PCDHA10: variants seen among roughly 807,000 people sequenced by gnomAD.
PCDHA10 encodes the protein protocadherin alpha-10.
Under a neutral mutation model 61.2 loss-of-function variants are expected in PCDHA10, and 45 were observed. That is an observed-to-expected ratio of 0.74 (90% confidence interval 0.58 to 0.94). PCDHA10 has a LOEUF of 0.94. Among genes scored for constraint, PCDHA10 ranks in the 40% least tolerant of loss-of-function variants. PCDHA10 has a pLI of 0.00. For synonymous variants in PCDHA10, 602 were observed against 548.8 expected (o/e 1.10, Z -1.35); for missense variants, 1,278 against 1,236.2 (o/e 1.03, Z -0.51).
rs1554181471 is a variant in PCDHA10, at chr5:140,884,352, A to G, written c.2388+25916A>G. ...GTGGGTCCAGAAGCGGCGCTGGTGG[A>G]TGTCAATGTTTACTTGATCATTGCC... is the stretch of plus-strand genomic sequence containing the variant. On this transcript the variant is annotated intron_variant, in intron 1 of 3. Transcript: ENST00000307360. The G allele has an allele frequency of 2.5e-6, 4 of 1,613,710 alleles. No individual in the cohort carries two copies. The Admixed American group carries it at 5.0e-5, about 20-fold the overall frequency.
chr5:140,882,877 G>A, intron 1 of PCDHA10: 1 of 1,614,208 alleles, frequency 6.2e-7, no homozygotes, highest in Non-Finnish European at 8.5e-7. Context: ...TGGACAGAGA[G>A]GAAATTCAGG....
chr5:140,969,203 G>A (rs781962982), intron 1 of PCDHA10: 2 of 1,614,178 alleles, frequency 1.2e-6, no homozygotes, highest in Non-Finnish European at 8.5e-7. Flanking sequence ...CAATACAGGG[G>A]CCCAGACAGG....
At chr5:140,910,690 G>T (rs2153515620) in intron 1 of PCDHA10, among the ~76,000 whole-genome samples, 1 of 152,224 alleles carries the variant, frequency 6.6e-6, no homozygotes, top group African/African-American at 2.4e-5. Context: ...GGCATTTCCA[G>T]CTTGCTCACA....
chr5:140,906,239 T>G (rs563566442), intron 1 of PCDHA10, among the ~76,000 whole-genome samples: 5 of 152,314 alleles, frequency 3.3e-5, no homozygotes, highest in Admixed American at 1.3e-4. Context: ...CCTTGTCAAC[T>G]TGAACCCATA....
intron 1 of PCDHA10, chr5:140,877,909 C>A: frequency 6.3e-6 from 9 of 1,432,578 alleles, no homozygotes; most frequent in Non-Finnish European, 7.3e-6. Flanking sequence ...TAACTACATT[C>A]TCTCATTTTT....
chr5:140,956,186 T>C (rs1305769419), intron 1 of PCDHA10, among the ~76,000 whole-genome samples: 1 of 152,204 alleles, frequency 6.6e-6, no homozygotes, highest in Non-Finnish European at 1.5e-5. Context: ...AATACTATGC[T>C]GAATAGGAGT....
intron 1 of PCDHA10, among the ~76,000 whole-genome samples, chr5:140,948,785 G>T (rs2094304738): frequency 6.6e-6 from 1 of 151,242 alleles, no homozygotes; most frequent in South Asian, 2.1e-4. Flanking sequence ...TTTTGGCTTT[G>T]TTGATATATT....
chr5:140,875,378 T>C (rs758524366), intron 1 of PCDHA10: 85 of 1,458,484 alleles, frequency 5.8e-5, no homozygotes, highest in Non-Finnish European at 7.4e-5. Context: ...TTACTAAATA[T>C]GTACTTACAG....
chr5:140,870,207 T>G, intron 1 of PCDHA10: 1 of 1,614,156 alleles, frequency 6.2e-7, no homozygotes, highest in Non-Finnish European at 8.5e-7. Flanking sequence ...GCACGGTCAT[T>G]GCCCTGATCA....
At chr5:140,902,400 C>T (rs2069421777) in intron 1 of PCDHA10, among the ~76,000 whole-genome samples, 1 of 151,930 alleles carries the variant, frequency 6.6e-6, no homozygotes, top group South Asian at 2.1e-4. Flanking sequence ...ATGTTGAATA[C>T]TATGTTGAAT....
At chr5:140,995,452 G>C (rs1400573812) in intron 3 of PCDHA10, among the ~76,000 whole-genome samples, 1 of 152,098 alleles carries the variant, frequency 6.6e-6, no homozygotes, top group African/African-American at 2.4e-5. Context: ...CTTATGAATT[G>C]TTTATTTTTG....
intron 1 of PCDHA10, among the ~76,000 whole-genome samples, chr5:140,873,279 A>G (rs1292548146): frequency 6.6e-6 from 1 of 152,200 alleles, no homozygotes; most frequent in African/African-American, 2.4e-5. Flanking sequence ...CCATCATACC[A>G]CTTATGAAAC....
At chr5:140,955,654 A>G (rs2095214723) in intron 1 of PCDHA10, among the ~76,000 whole-genome samples, 1 of 152,208 alleles carries the variant, frequency 6.6e-6, no homozygotes, top group South Asian at 2.1e-4. Flanking sequence ...TAATACACAT[A>G]TGAATTTTAA....
chr5:140,875,009 G>A (rs1238943643), intron 1 of PCDHA10, among the ~76,000 whole-genome samples: 2 of 152,216 alleles, frequency 1.3e-5, no homozygotes, highest in Admixed American at 6.5e-5. Flanking sequence ...CCATGATAAA[G>A]TGTAGGTTCT....
In PCDHA10 at chr5:140,857,774, G is replaced by T; in HGVS notation, c.1726G>T (p.Val576Phe). Residue 576 changes from valine (V) to phenylalanine (F), a missense_variant, in exon 1 of 4, where the codon GTC (valine) becomes TTC (phenylalanine). Coordinates refer to ENST00000307360, the MANE Select transcript of PCDHA10 (RefSeq NM_018901.4). ...ASPAGSAGGA[V>F]SELVLRSVVA... ...TCCCGCTGGCAGCGCGGGCGGTGCAGTCAGTGAGCTGGTGCTGCGGTCGGT... is the reference window on the plus strand; with the variant it reads ...TCCCGCTGGCAGCGCGGGCGGTGCATTCAGTGAGCTGGTGCTGCGGTCGGT... The T allele has an allele frequency of 6.3e-7, 1 of 1,597,758 alleles. No homozygotes were observed. Among genetic ancestry groups the T allele is most frequent in the Non-Finnish European group, 8.6e-7 (1 of 1,167,676 alleles).
chr5:140,948,142 T>G (rs1194720907), intron 1 of PCDHA10, among the ~76,000 whole-genome samples: 1 of 151,674 alleles, frequency 6.6e-6, no homozygotes, highest in Admixed American at 6.6e-5. Flanking sequence ...CTAATTGATT[T>G]TTGAATGTTG....
intron 2 of PCDHA10, among the ~76,000 whole-genome samples, chr5:140,980,627 T>C (rs1482574235): frequency 6.6e-6 from 1 of 151,860 alleles, no homozygotes; most frequent in African/African-American, 2.4e-5. Context: ...AGACTCTGTC[T>C]CAGAAGAATA....
intron 1 of PCDHA10, among the ~76,000 whole-genome samples, chr5:140,969,735 T>A (rs1029423690): frequency 2.6e-5 from 4 of 152,188 alleles, no homozygotes; most frequent in Non-Finnish European, 5.9e-5. Flanking sequence ...TGAAATCCTA[T>A]ATGAGTGATG....
intron 3 of PCDHA10, among the ~76,000 whole-genome samples, chr5:140,985,683 G>T (rs926848363): frequency 3.3e-5 from 5 of 151,148 alleles, no homozygotes; most frequent in Admixed American, 6.6e-5. Flanking sequence ...CCTGCCTTAC[G>T]CTAATCCTCG....
Sources: gnomAD v4.1 joint callset for allele counts (sites outside exome capture counted in the v4.1 genomes callset) on GRCh38, gnomAD v4.1.1 for gene constraint, MANE v1.5 for transcripts, NCBI Gene and HGNC (gene_info 2026-07-23, HGNC 2026-07-21) for gene names.